The following NFE2L3 variants were observed in gnomAD, a reference collection of about 807,000 sequenced individuals.
NFE2L3 encodes NFE2 like bZIP transcription factor 3.
Under a neutral mutation model 23.5 loss-of-function variants are expected in NFE2L3, and 18 were observed. The observed-to-expected ratio is 0.77, with a 90% CI of 0.53 to 1.13. NFE2L3 has a LOEUF of 1.13. NFE2L3 is among the 50% of genes most tolerant of loss of function. The pLI, the probability that NFE2L3 is intolerant of heterozygous loss-of-function variation, is 0.00. For synonymous variants in NFE2L3, 424 were observed against 354.5 expected, an observed-to-expected ratio of 1.20 and a Z score of -2.20; for missense variants, 1,152 against 877.2, an observed-to-expected ratio of 1.31 and a Z score of -3.96.
intron 1 of NFE2L3, among the ~76,000 whole-genome samples, chr7:26,167,510 T>C (rs941873923): frequency 1.3e-5 from 2 of 151,684 alleles, no homozygotes; most frequent in Non-Finnish European, 2.9e-5. Context: ...GCTTCCTGTG[T>C]GGCAGGTGTG....
rs1562680646 is a variant in NFE2L3, at chr7:26,185,080, T to C, written c.1382T>C (p.Leu461Ser). ...TDHESSSHHDLEGAVGGYYPE... is the reference protein window; with the variant it reads ...TDHESSSHHDSEGAVGGYYPE... ...CATGAATCTAGTTCCCATCATGACT[T>C]AGAAGGTGCTGTAGGTGGCTACTAC... The change falls in exon 4 of 4, where the codon TTA becomes TCA. Residue 461 changes from leucine to serine, a missense_variant. Leu to Ser is a moderately radical substitution (Grantham distance 145). Coordinates refer to ENST00000056233, the MANE Select transcript of NFE2L3 (RefSeq NM_004289.7). 2.5e-6 allele frequency: 4 copies of C among 1,613,926 alleles called. No homozygotes were observed. The highest frequency in any genetic ancestry group is 1.1e-5 in the South Asian group (1 of 91,066).
rs1201507751 is a variant in NFE2L3, at chr7:26,186,729, G to C, written c.*946G>C. ...AAGCCATATAAACAGTAGGGAAAGA[G>C]TCAGCAACAGTGAAACCATCTGTTT... On this transcript the variant is annotated 3_prime_UTR_variant, in exon 4 of 4. Coordinates refer to ENST00000056233, the MANE Select transcript of NFE2L3 (RefSeq NM_004289.7). 1 of 152,186 alleles carries C rather than the reference G, an allele frequency of 6.6e-6. No homozygotes were observed. Among genetic ancestry groups the C allele is most frequent in the Non-Finnish European group, 1.5e-5 (1 of 68,034 alleles). The allele number at this position is 152,186 out of a possible 1,614,324, so 9.4% of individuals were successfully genotyped here.
chr7:26,169,261 T>C (rs1209849675), intron 1 of NFE2L3, among the ~76,000 whole-genome samples: 2 of 152,196 alleles, frequency 1.3e-5, no homozygotes, highest in Non-Finnish European at 2.9e-5. Flanking sequence ...TGAGACTGCC[T>C]TTAGTGTGAA....
Position 26,163,619 on chromosome 7 carries a change from T to A in NFE2L3, c.570+10551T>A, listed in dbSNP as rs193035050. The stretch of plus-strand genomic sequence containing the variant: ...ACCTCAGCCTCCCAAAGTGCTGGGA[T>A]TACAGGCGTGAGCTACCACACGTGG... On this transcript the variant is annotated intron_variant, in intron 1 of 3. Coordinates refer to ENST00000056233, the MANE Select transcript of NFE2L3 (RefSeq NM_004289.7). 7.2e-5 allele frequency among the ~76,000 whole-genome samples: 11 copies of A among 152,352 alleles called. No homozygotes were observed. In the East Asian group the frequency reaches 2.1e-3, roughly 29 times the overall value.
intron 2 of NFE2L3, among the ~76,000 whole-genome samples, chr7:26,181,484 C>A (rs1195892389): frequency 1.3e-5 from 2 of 152,004 alleles, no homozygotes; most frequent in Non-Finnish European, 2.9e-5. Context: ...AAATCAGAAC[C>A]CCAGTGGGGG....
At chr7:26,157,742 T>C (rs1422720207) in intron 1 of NFE2L3, among the ~76,000 whole-genome samples, 2 of 152,230 alleles carry the variant, frequency 1.3e-5, no homozygotes, top group Admixed American at 6.5e-5. Context: ...AGTTACTGTA[T>C]GAATTTGCTA....
chr7:26,185,614 A>C lies in NFE2L3; in HGVS notation c.1916A>C (p.His639Pro). 6.2e-7 allele frequency: 1 copy of C among 1,613,914 alleles called. No homozygotes were observed. The highest frequency in any genetic ancestry group is 1.3e-5 in the African/African-American group (1 of 75,048). The change falls in exon 4 of 4, where the codon CAT becomes CCT. Residue 639 changes from histidine (H) to proline (P), a missense_variant. His to Pro is a moderately conservative substitution (Grantham distance 77). Coordinates refer to ENST00000056233, the MANE Select transcript of NFE2L3 (RefSeq NM_004289.7). Reference protein sequence around the residue: ...KAINIMKQKLHDLYHDIFSRL... With the variant: ...KAINIMKQKLPDLYHDIFSRL... Reference sequence around the variant, plus strand: ...ATTAACATAATGAAACAGAAACTGCATGACCTTTATCATGATATTTTTAGT... The same window carrying C: ...ATTAACATAATGAAACAGAAACTGCCTGACCTTTATCATGATATTTTTAGT...
rs1782495962 is a variant in NFE2L3 at position 26,186,709 on chromosome 7, A to C, written c.*926A>C. On this transcript the variant is annotated 3_prime_UTR_variant, in exon 4 of 4. Transcript: ENST00000056233. ...AGATCTCACCAGAACACTGTAAGCC[A>C]TATAAACAGTAGGGAAAGAGTCAGC... is the stretch of plus-strand genomic sequence containing the variant. 6.6e-6 allele frequency: 1 copy of C among 152,276 alleles called. No homozygotes were observed. Among genetic ancestry groups the C allele is most frequent in the African/African-American group, 2.4e-5 (1 of 41,474 alleles). 9.4% of individuals were successfully genotyped at this position (152,276 alleles called of 1,614,324 possible). A position where few individuals can be genotyped will look rare whatever the true frequency, so the allele number is the denominator to read the frequency against.
chr7:26,182,967 T>A, intron 2 of NFE2L3, among the ~76,000 whole-genome samples: 1 of 152,014 alleles, frequency 6.6e-6, no homozygotes, highest in East Asian at 1.9e-4. Flanking sequence ...GCTAATTTAA[T>A]TTGTAGAAAC....
chr7:26,166,743 TC>T (rs1784257394), intron 1 of NFE2L3, among the ~76,000 whole-genome samples: 1 of 152,236 alleles, frequency 6.6e-6, no homozygotes, highest in African/African-American at 2.4e-5. Context: ...TTTATCTGGC[TC>T]CATGTTTCTC....
At chr7:26,181,619 C>T (rs1293348841) in intron 2 of NFE2L3, among the ~76,000 whole-genome samples, 1 of 152,018 alleles carries the variant, frequency 6.6e-6, no homozygotes, top group Non-Finnish European at 1.5e-5. Flanking sequence ...TGCAAAACTG[C>T]TCCCCAAAAT....
intron 2 of NFE2L3, among the ~76,000 whole-genome samples, 191 bp downstream of exon 2, chr7:26,178,313 A>T (rs1362403738): frequency 1.3e-5 from 2 of 152,218 alleles, no homozygotes; most frequent in Non-Finnish European, 2.9e-5. Context: ...AGCCCATACA[A>T]TTGTTTTCTC....
rs777179595 is a variant in NFE2L3 at position 26,185,658 on chromosome 7, G to A, written c.1960G>A (p.Gly654Ser). The A allele has an allele frequency of 2.7e-5, 44 of 1,613,886 alleles. No individual in the cohort carries two copies. Among genetic ancestry groups the A allele is most frequent in the Non-Finnish European group, 3.6e-5 (42 of 1,179,814 alleles). The change falls in exon 4 of 4, where the codon GGT becomes AGT. Residue 654 changes from glycine to serine, a missense_variant. Transcript: ENST00000056233. The part of the protein sequence containing the change: ...DIFSRLRDDQ[G>S]RPVNPNHYAL... ...TTTTAGTAGATTAAGAGATGACCAAGGTAGGCCAGTCAATCCCAACCACTA... is the reference window on the plus strand; with the variant it reads ...TTTTAGTAGATTAAGAGATGACCAAAGTAGGCCAGTCAATCCCAACCACTA...
chr7:26,169,485 C>A (rs1340221118), intron 1 of NFE2L3, among the ~76,000 whole-genome samples: 1 of 152,190 alleles, frequency 6.6e-6, no homozygotes, highest in African/African-American at 2.4e-5. Context: ...TGGGTGTGAC[C>A]TTAGGGGAGG....
chr7:26,165,817 G>A (rs150630320), intron 1 of NFE2L3, among the ~76,000 whole-genome samples: 2,094 of 152,194 alleles, frequency 0.014, 19 homozygotes, highest in Non-Finnish European at 0.021. Context: ...TTTGAGATAC[G>A]TCCCATCAAT....
intron 2 of NFE2L3, among the ~76,000 whole-genome samples, chr7:26,181,465 A>G (rs1416919381): frequency 6.6e-6 from 1 of 152,100 alleles, no homozygotes; most frequent in Non-Finnish European, 1.5e-5. Context: ...AATTCTAGCT[A>G]CCCTTTAGAA....
At chr7:26,155,034 G>T (rs1168584604) in intron 1 of NFE2L3, among the ~76,000 whole-genome samples, 1 of 152,178 alleles carries the variant, frequency 6.6e-6, no homozygotes, top group East Asian at 1.9e-4. Context: ...CATTCAATCT[G>T]GCAAAAATCA....
chr7:26,185,165 T>G lies in NFE2L3; in HGVS notation c.1467T>G (p.Leu489=). Residue 489 remains leucine (L), a synonymous_variant, in exon 4 of 4, where the codon CTT becomes CTG. Transcript: ENST00000056233. ...GTGATTCTGATTTCCATGGAGATCTTACATTTCAACACGTATTTCATAACC... is the reference window on the plus strand; with the variant it reads ...GTGATTCTGATTTCCATGGAGATCTGACATTTCAACACGTATTTCATAACC... ...DQSDSDFHGD[L]TFQHVFHNHT... is the part of the protein sequence containing the mutation. 1 of 1,613,860 alleles carries G rather than the reference T, an allele frequency of 6.2e-7. No individual in the cohort carries two copies. Among genetic ancestry groups the G allele is most frequent in the Non-Finnish European group, 8.5e-7 (1 of 1,179,836 alleles).
intron 1 of NFE2L3, 33 bp from the exon 2 acceptor site, chr7:26,177,906 CTGTT>C (rs771465781): frequency 4.4e-6 from 7 of 1,577,296 alleles, no homozygotes; most frequent in South Asian, 2.3e-5. Flanking sequence ...GTTTTAAAGA[CTGTT>C]TGCTTATTTG....
Sources: allele counts gnomAD v4.1 joint callset (sites outside exome capture counted in the v4.1 genomes callset), GRCh38; gene constraint gnomAD v4.1.1; transcripts MANE v1.5; gene names NCBI Gene and HGNC (gene_info 2026-07-23, HGNC 2026-07-21).